ITGB2: variants seen among roughly 807,000 people sequenced by gnomAD.
The protein encoded by ITGB2 is integrin beta-2.
Under a neutral mutation model 86.8 loss-of-function variants are expected in ITGB2, and 56 were observed. The observed-to-expected ratio is 0.65, with a 90% confidence interval of 0.52 to 0.81. ITGB2 has a LOEUF of 0.81. ITGB2 is among the 30% of genes least tolerant of loss of function. The pLI is 0.00. For synonymous variants in ITGB2, 457 were observed against 450.4 expected, an observed-to-expected ratio of 1.01 and a Z score of -0.19; for missense variants, 948 against 1,061.2, an observed-to-expected ratio of 0.89 and a Z score of 1.48.
chr21:44,889,096 C>T, intron 13 of ITGB2, 180 bp downstream of exon 13: 1 of 706,276 alleles, frequency 1.4e-6, no homozygotes, highest in Non-Finnish European at 2.4e-6. Flanking sequence ...CAGGTGCGCA[C>T]AGGAGGGAGG....
At position 44,901,515 on chromosome 21, in the gene ITGB2, T is replaced by C. The variant is rs1601305422; in HGVS notation, c.718A>G (p.Met240Val). 1 of 1,614,074 alleles carries C rather than the reference T, an allele frequency of 6.2e-7. No individual in the cohort carries two copies. The highest frequency in any genetic ancestry group is 1.3e-5 in the African/African-American group (1 of 74,932). Residue 240 changes from methionine to valine, a missense_variant, in exon 6 of 16, where the codon ATG (methionine) becomes GTG (valine). Physicochemically the swap from Met to Val is conservative, Grantham distance 21. Coordinates refer to ENST00000652462, the MANE Select transcript of ITGB2 (RefSeq NM_000211.5). ...ACCGGGCAGGCGGCGACCTGCATCA[T>C]GGCGTCCAGCCCACCCTCGGGTGCA... The part of the protein sequence containing the change: ...LDAPEGGLDA[M>V]MQVAACPEEI...
intron 10 of ITGB2, chr21:44,893,065 T>G: frequency 3.0e-6 from 1 of 334,416 alleles, no homozygotes; most frequent in Non-Finnish European, 5.9e-6. Context: ...AAGGCGTGTG[T>G]GAAGAACCCT....
intron 1 of ITGB2, among the ~76,000 whole-genome samples, chr21:44,915,212 G>C (rs1489328817): frequency 6.6e-6 from 1 of 152,166 alleles, no homozygotes; most frequent in Non-Finnish European, 1.5e-5. Context: ...TTTTAGTAGA[G>C]ACGAGGTTTC....
intron 1 of ITGB2, among the ~76,000 whole-genome samples, chr21:44,914,818 A>G (rs2084180253): frequency 6.6e-6 from 1 of 152,178 alleles, no homozygotes; most frequent in African/African-American, 2.4e-5. Context: ...CTCTAGTCCC[A>G]GTTACTCAGG....
At chr21:44,911,015 C>A in intron 1 of ITGB2, 1 of 583,630 alleles carries the variant, frequency 1.7e-6, no homozygotes, top group Admixed American at 3.0e-5. Flanking sequence ...CAGCCAGGCA[C>A]CCAGGACAGC....
At chr21:44,917,406 C>T (rs1041135900) in intron 1 of ITGB2, among the ~76,000 whole-genome samples, 11 of 152,164 alleles carry the variant, frequency 7.2e-5, no homozygotes, top group Non-Finnish European at 5.9e-5. Flanking sequence ...TTGTATTTTC[C>T]ACCCTTTTTG....
At chr21:44,905,461 C>T (rs1359608770) in intron 4 of ITGB2, among the ~76,000 whole-genome samples, 2 of 152,176 alleles carry the variant, frequency 1.3e-5, no homozygotes, top group Non-Finnish European at 2.9e-5. Flanking sequence ...CAGGCGCACC[C>T]CCACCCTCCA....
At chr21:44,920,597 G>A (rs760453) in intron 1 of ITGB2, among the ~76,000 whole-genome samples, 80,025 of 151,880 alleles carry the variant, frequency 0.53, 22,427 homozygotes, top group African/African-American at 0.73. Context: ...ATCCTCAGCC[G>A]CAAGCGCTCC....
At chr21:44,923,955 C>A (rs1014597338), upstream of ITGB2, among the ~76,000 whole-genome samples, 3 of 152,070 alleles carry the variant, frequency 2.0e-5, no homozygotes, top group African/African-American at 7.2e-5. Flanking sequence ...GAAATCAAAG[C>A]AAAATGCATC....
intron 8 of ITGB2, among the ~76,000 whole-genome samples, chr21:44,898,305 G>A (rs2083898172): frequency 6.6e-6 from 1 of 152,202 alleles, no homozygotes; most frequent in Admixed American, 6.5e-5. Context: ...CCCCTGCAGG[G>A]AGGGGACACT....
At chr21:44,895,710 G>A (rs1455508898) in intron 8 of ITGB2, among the ~76,000 whole-genome samples, 2 of 150,544 alleles carry the variant, frequency 1.3e-5, no homozygotes, top group Non-Finnish European at 3.0e-5. Flanking sequence ...GCGTGGTGGT[G>A]GGCACCTGTA....
intron 1 of ITGB2, among the ~76,000 whole-genome samples, chr21:44,920,572 T>C (rs1044276010): frequency 6.6e-6 from 1 of 151,780 alleles, no homozygotes; most frequent in African/African-American, 2.4e-5. Flanking sequence ...CCCCTTGTCC[T>C]CCCATGCCGG....
intron 7 of ITGB2, 116 bp from the exon 8 acceptor site, chr21:44,899,278 G>A (rs1188262749): frequency 1.1e-5 from 9 of 794,924 alleles, no homozygotes; most frequent in Non-Finnish European, 1.9e-5. Flanking sequence ...CCCTCTCTGG[G>A]GAAGGCTGGA....
At chr21:44,924,721 A>G (rs2084349870), upstream of ITGB2, among the ~76,000 whole-genome samples, 1 of 152,172 alleles carries the variant, frequency 6.6e-6, no homozygotes, top group Admixed American at 6.5e-5. Context: ...GTGGACCCAA[A>G]TATAGCCTAG....
chr21:44,890,295 C>T (rs936173419), intron 11 of ITGB2, 73 bp from the exon 12 acceptor site: 3 of 1,591,750 alleles, frequency 1.9e-6, no homozygotes, highest in East Asian at 2.2e-5. Context: ...CCCTGTCCTC[C>T]AGGCCCCTTG....
At chr21:44,901,913 G>A (rs997133554) in intron 5 of ITGB2, 180 bp from the exon 6 acceptor site, 20 of 660,878 alleles carry the variant, frequency 3.0e-5, no homozygotes, top group Admixed American at 8.8e-5. Context: ...ACATGTGAAC[G>A]TATGTGGGCG....
Position 44,886,071 on chromosome 21 carries a change from A to T in ITGB2, c.*297T>A. On this transcript the variant is annotated 3_prime_UTR_variant, in exon 16 of 16. Transcript: ENST00000652462. ...CAAGTTTAAATGTAAATAAATTGGCACCACCTTTAATCAGACTGATGTCCT... is the reference window on the plus strand; with the variant it reads ...CAAGTTTAAATGTAAATAAATTGGCTCCACCTTTAATCAGACTGATGTCCT... 2.0e-6 allele frequency: 1 copy of T among 490,236 alleles called. No individual in the cohort carries two copies. Among genetic ancestry groups the T allele is most frequent in the Non-Finnish European group, 3.7e-6 (1 of 269,870 alleles). The allele number at this position is 490,236 out of a possible 1,614,324, so 30.4% of individuals were successfully genotyped here. A position where few individuals can be genotyped will look rare whatever the true frequency, so the allele number is the denominator to read the frequency against.
At position 44,903,432 on chromosome 21, in the gene ITGB2, C is replaced by T. The variant is rs886057119; in HGVS notation, c.432G>A (p.Arg144=). ...DLSYSMLDDL[R]NVKKLGGDLL... is the part of the protein sequence containing the mutation. ...GGTCGCCACCTAGCTTCTTGACATT[C>T]CTGAGGTCATCAAGCATGGAGTAGG... The change falls in exon 5 of 16, where the codon AGG becomes AGA. Residue 144 remains arginine (R), a synonymous_variant. Coordinates refer to ENST00000652462, the MANE Select transcript of ITGB2 (RefSeq NM_000211.5). 9.3e-6 allele frequency: 15 copies of T among 1,614,102 alleles called. No individual in the cohort carries two copies. The highest frequency in any genetic ancestry group is 2.7e-5 in the African/African-American group (2 of 75,020).
At chr21:44,900,242 G>A (rs2083931114) in intron 7 of ITGB2, 78 bp downstream of exon 7, 2 of 1,578,486 alleles carry the variant, frequency 1.3e-6, no homozygotes, top group East Asian at 2.2e-5. Flanking sequence ...GGCTCTGTCA[G>A]GTGGAGACCC....
Sources: allele counts gnomAD v4.1 joint callset (sites outside exome capture counted in the v4.1 genomes callset), GRCh38; gene constraint gnomAD v4.1.1; transcripts MANE v1.5; gene names NCBI Gene and HGNC (gene_info 2026-07-23, HGNC 2026-07-21).